The following PDE1C variants were observed in gnomAD, a reference collection of about 807,000 sequenced individuals.
The protein encoded by PDE1C is phosphodiesterase 1C.
In PDE1C, 62 loss-of-function variants were observed where a neutral mutation model predicts 93.1. That is an observed-to-expected ratio of 0.67 (90% CI 0.54 to 0.82). The LOEUF is 0.82. Among genes scored for constraint, PDE1C ranks in the 40% least tolerant of loss-of-function variants. PDE1C has a pLI of 0.00. For synonymous variants in PDE1C, 325 were observed against 310.1 expected (o/e 1.05, Z -0.50); for missense variants, 742 against 884.6 (o/e 0.84, Z 2.04).
At chr7:32,060,420 G>A (rs545658321) in intron 1 of PDE1C, among the ~76,000 whole-genome samples, 6 of 152,280 alleles carry the variant, frequency 3.9e-5, no homozygotes, top group Middle Eastern at 3.4e-3. Flanking sequence ...TTGGGAGCAT[G>A]AGTCCTTCCT....
intron 1 of PDE1C, among the ~76,000 whole-genome samples, chr7:32,310,248 A>C (rs1311820176): frequency 6.6e-6 from 1 of 151,924 alleles, no homozygotes; most frequent in Non-Finnish European, 1.5e-5. Context: ...CAGATTCATA[A>C]AGCAAGTCCT....
intron 1 of PDE1C, among the ~76,000 whole-genome samples, chr7:32,287,968 C>T (rs1339476682): frequency 6.6e-6 from 1 of 152,116 alleles, no homozygotes; most frequent in Non-Finnish European, 1.5e-5. Flanking sequence ...TTTAGGAGGC[C>T]TAGGCAGGCA....
chr7:31,719,324 C>T, the PDE1C span, among the ~76,000 whole-genome samples: 515 of 152,280 alleles, frequency 3.4e-3, 2 homozygotes, highest in African/African-American at 0.012. Flanking sequence ...GGAAAATCTG[C>T]CCCTAGCTGG....
the PDE1C span, among the ~76,000 whole-genome samples, chr7:31,715,184 T>C: frequency 6.6e-6 from 1 of 152,188 alleles, no homozygotes; most frequent in Non-Finnish European, 1.5e-5. Flanking sequence ...TAACAATATG[T>C]ATTATTATTG....
rs58942857 is a variant in PDE1C, at chr7:31,802,629, G to A, written c.1891+6402C>T. ...TGATGAATTCATTAAGTTTTTGTAT[G>A]TCTGATGAAAACATCTTAATCACAT... On this transcript the variant is annotated intron_variant, in intron 16 of 17. Coordinates refer to ENST00000396191, the MANE Select transcript of PDE1C (RefSeq NM_001191057.4). Among the ~76,000 whole-genome samples, 279 of 151,636 alleles carry A rather than the reference G, an allele frequency of 1.8e-3. 1 individual carries two copies. The highest frequency in any genetic ancestry group is 6.5e-3 in the African/African-American group (269 of 41,426).
chr7:31,721,210 A>G, the PDE1C span, among the ~76,000 whole-genome samples: 1 of 152,232 alleles, frequency 6.6e-6, no homozygotes, highest in South Asian at 2.1e-4. Context: ...AGCAGAGATT[A>G]TGTTCACCAT....
At chr7:32,415,833 T>C (rs187295519) in intron 1 of PDE1C, among the ~76,000 whole-genome samples, 1 of 152,314 alleles carries the variant, frequency 6.6e-6, no homozygotes, top group Admixed American at 6.5e-5. Context: ...AGGCTAGTCA[T>C]CTCCAAGGTC....
chr7:31,845,789 G>A (rs1440959877), intron 9 of PDE1C, among the ~76,000 whole-genome samples: 2 of 152,060 alleles, frequency 1.3e-5, no homozygotes, highest in Admixed American at 6.6e-5. Context: ...TAAGGAGTTC[G>A]AGACCAGCCT....
chr7:32,312,825 A>G (rs910716205), intron 1 of PDE1C, among the ~76,000 whole-genome samples: 1 of 152,230 alleles, frequency 6.6e-6, no homozygotes, highest in African/African-American at 2.4e-5. Flanking sequence ...AGGCAATACC[A>G]TTCAGGACAT....
At chr7:32,113,097 A>G (rs1012160440) in intron 3 of PDE1C, among the ~76,000 whole-genome samples, 6 of 149,656 alleles carry the variant, frequency 4.0e-5, no homozygotes, top group African/African-American at 1.2e-4. Flanking sequence ...GAGCACCCCC[A>G]TAACAGTTAT....
intron 2 of PDE1C, among the ~76,000 whole-genome samples, chr7:31,984,313 G>A (rs766093978): frequency 1.3e-5 from 2 of 152,106 alleles, no homozygotes; most frequent in Non-Finnish European, 2.9e-5. Context: ...CACTCCTTAT[G>A]AGATTCTAAT....
chr7:32,180,369 GATTT>G (rs1803310758), intron 2 of PDE1C, among the ~76,000 whole-genome samples: 1 of 152,160 alleles, frequency 6.6e-6, no homozygotes. Flanking sequence ...AAGACATTAG[GATTT>G]ATTTCTAAGT....
intron 3 of PDE1C, among the ~76,000 whole-genome samples, chr7:32,163,269 C>G (rs1802033306): frequency 1.3e-5 from 2 of 152,128 alleles, no homozygotes; most frequent in Admixed American, 1.3e-4. Context: ...GGGGACGCTA[C>G]CCCACACCAT....
chr7:32,046,710 A>G lies in PDE1C; in HGVS notation c.128+4844T>C, dbSNP rs139195301. Among the ~76,000 whole-genome samples the G allele has an allele frequency of 3.7e-3, 566 of 152,324 alleles. 3 individuals carry two copies. Among genetic ancestry groups the G allele is most frequent in the African/African-American group, 0.013 (537 of 41,576 alleles). ...AAAAACATGAGGGACACCTTTGTCT[A>G]AAGTTAATTACTCACAGAAATATGT... On this transcript the variant is annotated intron_variant, in intron 2 of 17. Transcript: ENST00000396191.
At chr7:32,374,119 GGAGAGAGA>G (rs368959041) in intron 1 of PDE1C, among the ~76,000 whole-genome samples, 2 of 125,674 alleles carry the variant, frequency 1.6e-5, no homozygotes, top group African/African-American at 3.2e-5. Context: ...AAGGAAGGAA[GGAGAGAGA>G]GAAGAAAGAG....
At chr7:32,298,305 T>A (rs1812756699) in intron 1 of PDE1C, among the ~76,000 whole-genome samples, 1 of 152,082 alleles carries the variant, frequency 6.6e-6, no homozygotes, top group South Asian at 2.1e-4. Context: ...ACTATCTTCA[T>A]CTCTCCATCG....
intron 1 of PDE1C, among the ~76,000 whole-genome samples, chr7:32,214,119 A>T (rs952874277): frequency 3.9e-5 from 6 of 152,126 alleles, no homozygotes; most frequent in Non-Finnish European, 8.8e-5. Context: ...TATGTAAAAA[A>T]CTTTTTATAC....
At chr7:31,924,065 T>C (rs1803018025) in intron 2 of PDE1C, among the ~76,000 whole-genome samples, 1 of 152,200 alleles carries the variant, frequency 6.6e-6, no homozygotes, top group Non-Finnish European at 1.5e-5. Flanking sequence ...GTTTCTATCA[T>C]TTTGGCTAGC....
intron 3 of PDE1C, among the ~76,000 whole-genome samples, chr7:32,086,186 C>T (rs1335483208): frequency 7.3e-6 from 1 of 137,594 alleles, no homozygotes; most frequent in Non-Finnish European, 1.6e-5. Flanking sequence ...GTACAAAAAT[C>T]ACAAGCATTC....
Sources: allele counts gnomAD v4.1 joint callset (sites outside exome capture counted in the v4.1 genomes callset), GRCh38; gene constraint gnomAD v4.1.1; transcripts MANE v1.5; gene names NCBI Gene and HGNC (gene_info 2026-07-23, HGNC 2026-07-21).